Variants in GPR89B observed in about 807,000 individuals in gnomAD.
GPR89B encodes golgi pH regulator B.
A neutral mutation model predicts 52.4 loss-of-function variants in GPR89B; 25 were observed. That is an observed-to-expected ratio of 0.48 (90% confidence interval 0.35 to 0.67). The LOEUF (loss-of-function observed/expected upper bound fraction) is 0.67. GPR89B is among the 30% of genes least tolerant of loss of function. GPR89B has a pLI of 0.01. For synonymous variants in GPR89B, 52 were observed against 151.2 expected, an observed-to-expected ratio of 0.34 and a Z score of 4.81; for missense variants, 146 against 450.2, an observed-to-expected ratio of 0.32 and a Z score of 6.11.
chr1:147,991,681 C>G (rs1659082281), intron 12 of GPR89B, among the ~76,000 whole-genome samples: 1 of 152,040 alleles, frequency 6.6e-6, no homozygotes, highest in Admixed American at 6.6e-5. Context: ...TGTCAAAGGC[C>G]TTTTCTGCAT....
intron 5 of GPR89B, among the ~76,000 whole-genome samples, chr1:147,947,177 A>G (rs1473359832): frequency 3.2e-4 from 49 of 152,262 alleles, no homozygotes; most frequent in Non-Finnish European, 1.5e-5. Context: ...TGTACTAAAA[A>G]TAGAAAAATT....
At chr1:148,011,804 T>C in the GPR89B span, 1 of 152,226 alleles carries the variant, frequency 6.6e-6, no homozygotes, top group African/African-American at 2.4e-5. Context: ...TAGCCTGATA[T>C]TTATATTTTT....
At position 147,982,051 on chromosome 1, in the gene GPR89B, TTTTA is replaced by T. The variant is rs1311473007; in HGVS notation, c.910-4127_910-4124del. On this transcript the variant is annotated intron_variant, in intron 10 of 13. Coordinates refer to ENST00000314163, the MANE Select transcript of GPR89B (RefSeq NM_016334.5). ...CATATGCTAAGTATATGTTTAACCT[TTTTA>T]TTTATTTATTTATTTATTTACTGAG... 5.3e-5 allele frequency among the ~76,000 whole-genome samples: 8 copies of T among 151,504 alleles called. No homozygotes were observed. The East Asian group carries it at 9.7e-4, about 18-fold the overall frequency.
rs1180512538 is a variant in GPR89B, at chr1:147,983,018, C to T, written c.910-3181C>T. Among the ~76,000 whole-genome samples the T allele has an allele frequency of 9.9e-5, 15 of 152,098 alleles. No homozygotes were observed. The East Asian group carries it at 2.1e-3, about 22-fold the overall frequency. On this transcript the variant is annotated intron_variant, in intron 10 of 13. Transcript: ENST00000314163. ...CACCGAACAGAGCCCTCAGAAATCA[C>T]GCCGCATATCTACAACCGTCTGATC...
At chr1:147,949,523 G>A (rs1655349649) in intron 5 of GPR89B, among the ~76,000 whole-genome samples, 1 of 128,718 alleles carries the variant, frequency 7.8e-6, no homozygotes, top group Non-Finnish European at 1.6e-5. Context: ...AGGGGCGGCC[G>A]GGCAGAGGCG....
intron 8 of GPR89B, chr1:147,968,409 A>T (rs1320541819): frequency 2.2e-6 from 1 of 454,180 alleles, no homozygotes; most frequent in East Asian, 6.9e-5. Context: ...AAAAGAAGAT[A>T]ATGTTTGAAA....
intron 10 of GPR89B, among the ~76,000 whole-genome samples, chr1:147,981,787 G>A (rs1351745158): frequency 6.6e-6 from 1 of 150,586 alleles, no homozygotes; most frequent in Admixed American, 6.6e-5. Context: ...TGAGTAGCTG[G>A]GATTACAGGT....
chr1:147,963,806 G>A (rs1378225475), intron 7 of GPR89B, among the ~76,000 whole-genome samples: 7 of 152,094 alleles, frequency 4.6e-5, no homozygotes, highest in African/African-American at 1.7e-4. Flanking sequence ...AGCTAAACAT[G>A]CCGTTACCAC....
chr1:147,986,146 A>G, intron 10 of GPR89B, 53 bp from the exon 11 acceptor site: 2 of 1,609,248 alleles, frequency 1.2e-6, no homozygotes, highest in Non-Finnish European at 8.5e-7. Context: ...TCACTTTTTG[A>G]AATAGTAAGT....
At chr1:147,994,349 G>A, downstream of GPR89B, 1 of 1,506,216 alleles carries the variant, frequency 6.6e-7, no homozygotes, top group Non-Finnish European at 9.2e-7. Context: ...AGGCTGTACT[G>A]TGGGCCTGTG....
At chr1:148,025,387 G>A in the GPR89B span, among the ~76,000 whole-genome samples, 1 of 151,578 alleles carries the variant, frequency 6.6e-6, no homozygotes, top group South Asian at 2.1e-4. Context: ...GCCAGGCGCA[G>A]TGGCTCACAC....
the GPR89B span, among the ~76,000 whole-genome samples, chr1:148,025,116 A>T: frequency 6.6e-6 from 1 of 151,932 alleles, no homozygotes; most frequent in East Asian, 1.9e-4. Context: ...AGACAATAGG[A>T]TTTCCATGAA....
At chr1:147,975,606 G>A (rs1254611831) in intron 10 of GPR89B, among the ~76,000 whole-genome samples, 1 of 152,092 alleles carries the variant, frequency 6.6e-6, no homozygotes, top group Non-Finnish European at 1.5e-5. Flanking sequence ...CAAAAAACTG[G>A]CTCCTGGATT....
intron 10 of GPR89B, 61 bp downstream of exon 10, chr1:147,970,020 A>T (rs1256619659): frequency 2.2e-5 from 18 of 806,608 alleles, no homozygotes; most frequent in Non-Finnish European, 3.4e-5. Flanking sequence ...TGGCAGGGAG[A>T]TAAGAATGGA....
intron 7 of GPR89B, among the ~76,000 whole-genome samples, chr1:147,959,302 A>G (rs1463231581): frequency 3.3e-5 from 5 of 152,184 alleles, no homozygotes; most frequent in African/African-American, 7.2e-5. Context: ...GAAGAAATAT[A>G]TTCACTAGTG....
chr1:147,995,586 C>T, downstream of GPR89B: 4 of 1,607,428 alleles, frequency 2.5e-6, no homozygotes, highest in Non-Finnish European at 3.4e-6. Flanking sequence ...AGAAATAGGC[C>T]CCCACTCACC....
chr1:147,971,476 T>TC (rs1222735122), intron 10 of GPR89B, among the ~76,000 whole-genome samples: 1 of 146,286 alleles, frequency 6.8e-6, no homozygotes, highest in African/African-American at 2.6e-5. Context: ...TTTTTTTTTT[T>TC]TTTTTTTTTT....
intron 5 of GPR89B, among the ~76,000 whole-genome samples, chr1:147,949,920 G>T (rs1345638159): frequency 7.7e-6 from 1 of 130,488 alleles, no homozygotes; most frequent in African/African-American, 3.3e-5. Context: ...TGGCCGGGCG[G>T]GGGGCTGACC....
chr1:147,950,391 G>A (rs1185795491), intron 5 of GPR89B, among the ~76,000 whole-genome samples: 1 of 148,958 alleles, frequency 6.7e-6, no homozygotes, highest in African/African-American at 2.5e-5. Flanking sequence ...CCGGGAAGAG[G>A]CGCTCCTCAC....
Sources: allele counts gnomAD v4.1 joint callset (sites outside exome capture counted in the v4.1 genomes callset), GRCh38; gene constraint gnomAD v4.1.1; transcripts MANE v1.5; gene names NCBI Gene and HGNC (gene_info 2026-07-23, HGNC 2026-07-21).